SGIP1: variants seen among roughly 807,000 people sequenced by gnomAD.
The protein encoded by SGIP1 is SH3-containing GRB2-like protein 3-interacting protein 1.
A neutral mutation model predicts 107.5 loss-of-function variants in SGIP1; 38 were observed. The ratio of observed to expected loss-of-function variants is 0.35; its 90% CI spans 0.27 to 0.46. The LOEUF (loss-of-function observed/expected upper bound fraction) is 0.46, where lower values mean the gene tolerates loss of function less well. Among genes scored for constraint, SGIP1 ranks in the 20% least tolerant of loss-of-function variants. SGIP1 has a pLI of 1.00. For missense variants in SGIP1, 929 were observed against 1,019.5 expected (o/e 0.91, Z 1.21); for synonymous variants, 365 against 366.1 (o/e 1.00, Z 0.03).
chr1:66,574,489 G>A (rs1264337711), intron 1 of SGIP1, among the ~76,000 whole-genome samples: 7 of 152,034 alleles, frequency 4.6e-5, no homozygotes, highest in African/African-American at 1.7e-4. Flanking sequence ...CATTCTCATT[G>A]TTTAATTAGG....
At chr1:66,695,773 A>G (rs1056591232) in intron 18 of SGIP1, among the ~76,000 whole-genome samples, 8 of 152,254 alleles carry the variant, frequency 5.3e-5, no homozygotes, top group Non-Finnish European at 1.2e-4. Context: ...AAAACAAAAC[A>G]AAACACACCT....
intron 1 of SGIP1, among the ~76,000 whole-genome samples, chr1:66,574,768 A>C (rs1029320814): frequency 2.0e-5 from 3 of 152,168 alleles, no homozygotes; most frequent in Non-Finnish European, 2.9e-5. Context: ...TAAAATGGTC[A>C]AAATTAAGAC....
intron 9 of SGIP1, among the ~76,000 whole-genome samples, chr1:66,669,417 G>C (rs7536634): frequency 9.2e-5 from 14 of 152,188 alleles, no homozygotes; most frequent in Admixed American, 2.6e-4. Context: ...ACAGTACTAG[G>C]TGGGCTGTGT....
rs35762612 is a variant in SGIP1 at position 66,592,897 on chromosome 1, CTTTTTTTTTTTTTTTTTT to C, written c.11-32937_11-32920del. ...CTTTCCTTCTTTCTTTCTTCTTCTT[CTTTTTTTTTTTTTTTTTT>C]TTTTTTTTTTTTGAGAAAGGGTTTC... On this transcript the variant is annotated intron_variant, in intron 1 of 24. Transcript: ENST00000371037. 2.8e-3 allele frequency among the ~76,000 whole-genome samples: 156 copies of C among 56,366 alleles called. 1 individual carries two copies. The Middle Eastern group carries it at 0.041, about 15-fold the overall frequency. 37.0% of individuals were successfully genotyped at this position (56,366 alleles called of 152,430 possible). A position where few individuals can be genotyped will look rare whatever the true frequency, so the allele number is the denominator to read the frequency against.
intron 21 of SGIP1, among the ~76,000 whole-genome samples, chr1:66,738,622 T>G (rs2094347300): frequency 6.6e-6 from 1 of 152,180 alleles, no homozygotes. Context: ...CAGTAGATTC[T>G]AGCACTGTAG....
chr1:66,653,730 A>G (rs963765848), intron 7 of SGIP1, among the ~76,000 whole-genome samples: 1 of 152,232 alleles, frequency 6.6e-6, no homozygotes, highest in African/African-American at 2.4e-5. Context: ...CAGTAGAAGT[A>G]GCAAATTATT....
intron 1 of SGIP1, among the ~76,000 whole-genome samples, chr1:66,534,859 A>C (rs568763965): frequency 1.3e-5 from 2 of 152,354 alleles, no homozygotes; most frequent in East Asian, 3.9e-4. Flanking sequence ...TGCAGTTTAC[A>C]TCATATTATT....
intron 7 of SGIP1, among the ~76,000 whole-genome samples, chr1:66,644,588 G>C (rs1571159220): frequency 6.6e-6 from 1 of 152,178 alleles, no homozygotes; most frequent in Middle Eastern, 3.4e-3. Flanking sequence ...CATTCCCCCT[G>C]AACAGAGCAG....
chr1:66,538,904 TA>T (rs1417366575), intron 1 of SGIP1, among the ~76,000 whole-genome samples: 1 of 152,202 alleles, frequency 6.6e-6, no homozygotes, highest in African/African-American at 2.4e-5. Flanking sequence ...GAGAAAAAAT[TA>T]GAAGGTATTT....
At chr1:66,683,972 C>G in intron 15 of SGIP1, 1 of 1,341,438 alleles carries the variant, frequency 7.5e-7, no homozygotes, top group Middle Eastern at 2.7e-4. Context: ...CTGCCTCAGC[C>G]TCCCAAAGTG....
chr1:66,622,172 T>C lies in SGIP1; in HGVS notation c.11-3675T>C, dbSNP rs2071314189. 3.3e-5 allele frequency among the ~76,000 whole-genome samples: 5 copies of C among 152,180 alleles called. No homozygotes were observed. In the South Asian group the frequency reaches 8.3e-4, roughly 25 times the overall value. Reference sequence around the variant, plus strand: ...GACAAAGCCCTGAAGAACCCCAACATGCTGGGGAGTACTGGAGTAAGAGTA... The same window carrying C: ...GACAAAGCCCTGAAGAACCCCAACACGCTGGGGAGTACTGGAGTAAGAGTA... On this transcript the variant is annotated intron_variant, in intron 1 of 24. Transcript: ENST00000371037.
intron 1 of SGIP1, among the ~76,000 whole-genome samples, chr1:66,549,709 T>C (rs1308112158): frequency 1.3e-5 from 2 of 152,160 alleles, no homozygotes. Context: ...ACCAAAATGT[T>C]TTTTTACAAT....
At chr1:66,701,830 T>C (rs1162591149) in intron 18 of SGIP1, among the ~76,000 whole-genome samples, 1 of 152,226 alleles carries the variant, frequency 6.6e-6, no homozygotes, top group East Asian at 1.9e-4. Context: ...CCCCTGTTTC[T>C]GGCCTGAGGT....
intron 9 of SGIP1, among the ~76,000 whole-genome samples, chr1:66,670,241 T>G (rs1370227297): frequency 2.6e-5 from 4 of 152,232 alleles, no homozygotes; most frequent in Non-Finnish European, 5.9e-5. Flanking sequence ...ACTCTTAATC[T>G]AATCAATCCT....
At chr1:66,667,853 G>C (rs1221644960) in intron 9 of SGIP1, among the ~76,000 whole-genome samples, 9 of 151,982 alleles carry the variant, frequency 5.9e-5, no homozygotes, top group Admixed American at 2.0e-4. Context: ...AAGGCCTAGA[G>C]ATTCACCAGA....
intron 1 of SGIP1, among the ~76,000 whole-genome samples, chr1:66,622,134 T>G (rs1172411945): frequency 1.3e-5 from 2 of 152,146 alleles, no homozygotes; most frequent in Non-Finnish European, 2.9e-5. Flanking sequence ...GAAAAGGATA[T>G]AGAATTGCCT....
Position 66,642,861 on chromosome 1 carries a change from G to A in SGIP1, c.280G>A (p.Gly94Ser), listed in dbSNP as rs778111547. 46 of 1,610,244 alleles carry A rather than the reference G, an allele frequency of 2.9e-5. No individual in the cohort carries two copies. The highest frequency in any genetic ancestry group is 1.3e-4 in the African/African-American group (10 of 74,644). ...EGYSIRPEEP[G>S]STKGKHFYSS... ...CTACAGCATCAGACCCGAGGAACCC[G>A]GCTATATCCTTTCTTTATTTTTTTA... Residue 94 changes from glycine (G) to serine (S), a missense_variant, in exon 6 of 25, where the codon GGC (glycine) becomes AGC (serine). Coordinates refer to ENST00000371037, the MANE Select transcript of SGIP1 (RefSeq NM_032291.4).
chr1:66,658,213 G>T (rs2080171921), intron 7 of SGIP1, among the ~76,000 whole-genome samples: 1 of 152,138 alleles, frequency 6.6e-6, no homozygotes, highest in Non-Finnish European at 1.5e-5. Context: ...TTAGTTCAAG[G>T]ACTGAAAACT....
At chr1:66,636,052 G>T (rs1467565713) in intron 4 of SGIP1, 37 bp downstream of exon 4, 5 of 1,590,900 alleles carry the variant, frequency 3.1e-6, no homozygotes, top group Non-Finnish European at 4.3e-6. Flanking sequence ...TTTCCAAAGG[G>T]TTATAAAAAA....
Sources: gnomAD v4.1 joint callset for allele counts (sites outside exome capture counted in the v4.1 genomes callset) on GRCh38, gnomAD v4.1.1 for gene constraint, MANE v1.5 for transcripts, NCBI Gene and HGNC (gene_info 2026-07-23, HGNC 2026-07-21) for gene names.